Variants in FBH1 observed in about 807,000 individuals in gnomAD.
FBH1 encodes the protein DNA 3'-5' helicase 1.
Under a neutral mutation model 115.5 loss-of-function variants are expected in FBH1, and 43 were observed. The ratio of observed to expected loss-of-function variants is 0.37; its 90% CI spans 0.29 to 0.48. The LOEUF (loss-of-function observed/expected upper bound fraction) is 0.48, where lower values mean the gene tolerates loss of function less well. FBH1 is among the 20% of genes least tolerant of loss of function. The probability of loss-of-function intolerance (pLI) is 0.99; values close to 1 mark genes in which losing one functional copy is unlikely to be tolerated. For synonymous variants in FBH1, 524 were observed against 507.8 expected (o/e 1.03, Z -0.43); for missense variants, 1,001 against 1,337.3 (o/e 0.75, Z 3.92).
Position 5,921,893 on chromosome 10 carries a change from A to T in FBH1, c.2322+324A>T, listed in dbSNP as rs1832337991. ...CTAGTCATGTGTTGTCATTAGTGTG[A>T]GAACAGCTGAGCTGACAACACGCAG... On this transcript the variant is annotated intron_variant, in intron 15 of 20. Transcript: ENST00000362091. This position sits in a 1 kb window ranked among gnomAD's most constrained non-coding sequence, Gnocchi z 6.4. 6.6e-6 allele frequency among the ~76,000 whole-genome samples: 1 copy of T among 152,212 alleles called. No homozygotes were observed. Among genetic ancestry groups the T allele is most frequent in the Non-Finnish European group, 1.5e-5 (1 of 68,042 alleles).
In FBH1 at chr10:5,936,394, G is replaced by A. The variant is rs1833355697; in HGVS notation, c.2830-62G>A. ...TTCTCACAGAGCCGCCGCTATCAGT[G>A]TTTCCAGTAGACCCTAACGGAGGTG... On this transcript the variant is annotated intron_variant, in intron 19 of 20. Coordinates refer to ENST00000362091, the MANE Select transcript of FBH1 (RefSeq NM_178150.3). The surrounding 1 kb of genome is among the most constrained non-coding windows in gnomAD (Gnocchi z 5.6). 1.3e-6 allele frequency: 2 copies of A among 1,588,366 alleles called. No individual in the cohort carries two copies. Among genetic ancestry groups the A allele is most frequent in the South Asian group, 1.1e-5 (1 of 89,696 alleles).
intron 1 of FBH1, among the ~76,000 whole-genome samples, chr10:5,891,837 T>C (rs1051664786): frequency 6.6e-6 from 1 of 152,124 alleles, no homozygotes; most frequent in Non-Finnish European, 1.5e-5. Context: ...GTCTTTAAAC[T>C]CCTGGCCTCA....
At chr10:5,901,553 C>A (rs986683868) in intron 1 of FBH1, among the ~76,000 whole-genome samples, 1 of 147,822 alleles carries the variant, frequency 6.8e-6, no homozygotes, top group Non-Finnish European at 1.5e-5. Flanking sequence ...AACTTTAATT[C>A]TTTTTTTTCT....
At chr10:5,896,164 C>T (rs1009297011) in intron 1 of FBH1, among the ~76,000 whole-genome samples, 8 of 152,148 alleles carry the variant, frequency 5.3e-5, no homozygotes, top group African/African-American at 1.2e-4. Context: ...TTTAGTTCCC[C>T]GTAGCAGAGT....
At chr10:5,898,417 T>C (rs1321437834) in intron 1 of FBH1, among the ~76,000 whole-genome samples, 2 of 152,090 alleles carry the variant, frequency 1.3e-5, no homozygotes, top group Non-Finnish European at 2.9e-5. Flanking sequence ...CCGCATTTTT[T>C]TTTTTTCTTT....
chr10:5,911,023 G>A lies in FBH1; in HGVS notation c.1106G>A (p.Arg369Gln), dbSNP rs754866256. 9.3e-6 allele frequency: 15 copies of A among 1,612,964 alleles called. No individual in the cohort carries two copies. The highest frequency in any genetic ancestry group is 5.3e-5 in the African/African-American group (4 of 75,010). ...NDIQRLLFCLRRPSSTVTMPD... is the reference protein window; with the variant it reads ...NDIQRLLFCLQRPSSTVTMPD... Reference sequence around the variant, plus strand: ...ATCCAGCGACTGCTCTTCTGCCTCCGGAGACCCAGCTCCACGGTGACCATG... The same window carrying A: ...ATCCAGCGACTGCTCTTCTGCCTCCAGAGACCCAGCTCCACGGTGACCATG... The change falls in exon 6 of 21, where the codon CGG (arginine) becomes CAG (glutamine). Residue 369 changes from arginine to glutamine, a missense_variant. Arg to Gln is a conservative substitution (Grantham distance 43). Coordinates refer to ENST00000362091, the MANE Select transcript of FBH1 (RefSeq NM_178150.3). This position sits in a 1 kb window ranked among gnomAD's most constrained non-coding sequence, Gnocchi z 5.4.
rs952450494 is a variant in FBH1 at position 5,910,414 on chromosome 10, C to T, written c.1021-524C>T. On this transcript the variant is annotated intron_variant, in intron 5 of 20. Coordinates refer to ENST00000362091, the MANE Select transcript of FBH1 (RefSeq NM_178150.3). The surrounding 1 kb of genome is among the most constrained non-coding windows in gnomAD (Gnocchi z 4.8). ...TTTCCATAATTTCATATTTATTTAACTTACAATGAACAGTTATTACTAATA... is the reference window on the plus strand; with the variant it reads ...TTTCCATAATTTCATATTTATTTAATTTACAATGAACAGTTATTACTAATA... Among the ~76,000 whole-genome samples, 1 of 152,206 alleles carries T rather than the reference C, an allele frequency of 6.6e-6. No homozygotes were observed. Among genetic ancestry groups the T allele is most frequent in the Non-Finnish European group, 1.5e-5 (1 of 68,046 alleles).
At chr10:5,901,282 C>T (rs1843331532) in intron 1 of FBH1, among the ~76,000 whole-genome samples, 2 of 151,960 alleles carry the variant, frequency 1.3e-5, no homozygotes, top group Admixed American at 1.3e-4. Context: ...AAGCGATACT[C>T]CTGCCTCAGC....
In FBH1 at chr10:5,895,103, C is replaced by T. The variant is rs1355173230; in HGVS notation, c.1+4757C>T. Reference sequence around the variant, plus strand: ...GCCTGAGTCATGTGATAATGGGCTACATTGCGCAGGGCCCCTGGGCCATCT... The same window carrying T: ...GCCTGAGTCATGTGATAATGGGCTATATTGCGCAGGGCCCCTGGGCCATCT... On this transcript the variant is annotated intron_variant, in intron 1 of 20. Coordinates refer to ENST00000362091, the MANE Select transcript of FBH1 (RefSeq NM_178150.3). The surrounding 1 kb of genome is among the most constrained non-coding windows in gnomAD (Gnocchi z 5.0). The T allele has an allele frequency of 1.2e-6, 2 of 1,613,918 alleles. No homozygotes were observed. Among genetic ancestry groups the T allele is most frequent in the African/African-American group, 2.7e-5 (2 of 74,934 alleles).
At position 5,933,952 on chromosome 10, in the gene FBH1, T is replaced by C. The variant is rs1447180728; in HGVS notation, c.2830-2504T>C. ...TAGGCGTGAGCCACCATGTCCAGCC[T>C]TTTTTGTTGTTGTTGATCACAGCCT... On this transcript the variant is annotated intron_variant, in intron 19 of 20. Coordinates refer to ENST00000362091, the MANE Select transcript of FBH1 (RefSeq NM_178150.3). The surrounding 1 kb of genome is among the most constrained non-coding windows in gnomAD (Gnocchi z 4.9). Among the ~76,000 whole-genome samples the C allele has an allele frequency of 6.6e-6, 1 of 152,178 alleles. No individual in the cohort carries two copies. Among genetic ancestry groups the C allele is most frequent in the African/African-American group, 2.4e-5 (1 of 41,434 alleles).
Position 5,913,731 on chromosome 10 carries a change from CT to C in FBH1, c.1212-8del, listed in dbSNP as rs773392847. 25 of 1,517,562 alleles carry C rather than the reference CT, an allele frequency of 1.6e-5. No individual in the cohort carries two copies. Among genetic ancestry groups the C allele is most frequent in the Admixed American group, 7.4e-5 (3 of 40,666 alleles). 94.0% of individuals were successfully genotyped at this position (1,517,562 alleles called of 1,614,324 possible). ...TTGAATTTGAGACTTTCTAAATCTACTTTTTTTTCTGGTAGGATTCACTACA... is the reference window on the plus strand; with the variant it reads ...TTGAATTTGAGACTTTCTAAATCTACTTTTTTTCTGGTAGGATTCACTACA... On this transcript the variant is annotated splice_polypyrimidine_tract_variant and intron_variant, in intron 6 of 20. Coordinates refer to ENST00000362091, the MANE Select transcript of FBH1 (RefSeq NM_178150.3). This position sits in a 1 kb window ranked among gnomAD's most constrained non-coding sequence, Gnocchi z 4.4.
At chr10:5,922,745 T>C (rs1832385890) in intron 15 of FBH1, among the ~76,000 whole-genome samples, 1 of 152,218 alleles carries the variant, frequency 6.6e-6, no homozygotes, top group Non-Finnish European at 1.5e-5. Context: ...ATGTGGGGCC[T>C]GGTGCTGTGT....
In FBH1 at chr10:5,918,151, C is replaced by G. The variant is rs543534698; in HGVS notation, c.1964-191C>G. On this transcript the variant is annotated intron_variant, in intron 12 of 20. Coordinates refer to ENST00000362091, the MANE Select transcript of FBH1 (RefSeq NM_178150.3). The surrounding 1 kb of genome is among the most constrained non-coding windows in gnomAD (Gnocchi z 4.0). ...GGCGAAACATAATCTGCATTCCTAG[C>G]ACCAGAAACTGTTTCTTTTGTCCAT... Among the ~76,000 whole-genome samples, 1 of 152,240 alleles carries G rather than the reference C, an allele frequency of 6.6e-6. No homozygotes were observed. The highest frequency in any genetic ancestry group is 1.5e-5 in the Non-Finnish European group (1 of 68,044).
Position 5,921,182 on chromosome 10 carries a change from C to T in FBH1, c.2101-76C>T. 7.1e-7 allele frequency: 1 copy of T among 1,418,118 alleles called. No homozygotes were observed. The highest frequency in any genetic ancestry group is 9.9e-7 in the Non-Finnish European group (1 of 1,011,090). The allele number at this position is 1,418,118 out of a possible 1,614,324, so 87.8% of individuals were successfully genotyped here. A position where few individuals can be genotyped will look rare whatever the true frequency, so the allele number is the denominator to read the frequency against. ...ACTTGTAGGGTCTGGCCCGGCCAGG[C>T]TGTGGCAGCAGTGATGGAAATGCAC... is the stretch of plus-strand genomic sequence containing the variant. On this transcript the variant is annotated intron_variant, in intron 13 of 20. Coordinates refer to ENST00000362091, the MANE Select transcript of FBH1 (RefSeq NM_178150.3). This position sits in a 1 kb window ranked among gnomAD's most constrained non-coding sequence, Gnocchi z 6.4.
At position 5,918,297 on chromosome 10, in the gene FBH1, G is replaced by A; in HGVS notation, c.1964-45G>A. The A allele has an allele frequency of 6.3e-7, 1 of 1,598,452 alleles. No individual in the cohort carries two copies. Among genetic ancestry groups the A allele is most frequent in the South Asian group, 1.1e-5 (1 of 89,072 alleles). ...TTGTCCTTTTCTTTTTGCTGCCTGG[G>A]GTGGAGGCCTCAAGGTTTCTCACTT... On this transcript the variant is annotated intron_variant, in intron 12 of 20. Coordinates refer to ENST00000362091, the MANE Select transcript of FBH1 (RefSeq NM_178150.3). This position sits in a 1 kb window ranked among gnomAD's most constrained non-coding sequence, Gnocchi z 4.0.
At chr10:5,919,486 A>T (rs932198808) in intron 13 of FBH1, among the ~76,000 whole-genome samples, 8 of 151,484 alleles carry the variant, frequency 5.3e-5, no homozygotes, top group African/African-American at 1.9e-4. Flanking sequence ...ACTCTGTCTT[A>T]AAAAAAAATA....
chr10:5,928,442 G>A (rs2132097748), intron 19 of FBH1: 1 of 152,330 alleles, frequency 6.6e-6, no homozygotes, highest in Admixed American at 6.5e-5. Flanking sequence ...GAGCCACCTT[G>A]CTTTGCCCCT....
chr10:5,901,894 A>G (rs960034695), intron 1 of FBH1, among the ~76,000 whole-genome samples: 1 of 152,192 alleles, frequency 6.6e-6, no homozygotes, highest in Non-Finnish European at 1.5e-5. Flanking sequence ...GTGTATCTTT[A>G]CATTTTAGTG....
In FBH1 at chr10:5,930,617, AGTAG is replaced by A. The variant is rs562568320; in HGVS notation, c.2829+3079_2829+3082del. On this transcript the variant is annotated intron_variant, in intron 19 of 20. Transcript: ENST00000362091. ...TGAGGAGGCTCACAGCCTCCTTAGG[AGTAG>A]GTTAGTTTTTCCCCGTTAGTGATGC... Among the ~76,000 whole-genome samples the A allele has an allele frequency of 4.1e-3, 622 of 152,242 alleles. 2 individuals are homozygous for A. Among genetic ancestry groups the A allele is most frequent in the African/African-American group, 0.013 (537 of 41,560 alleles).
Sources: allele counts gnomAD v4.1 joint callset (sites outside exome capture counted in the v4.1 genomes callset), GRCh38; gene constraint gnomAD v4.1.1; non-coding constraint Gnocchi (gnomAD v3.1); transcripts MANE v1.5; gene names NCBI Gene and HGNC (gene_info 2026-07-23, HGNC 2026-07-21).